ZNF518A: variants seen among roughly 807,000 people sequenced by gnomAD.
The protein encoded by ZNF518A is zinc finger protein 518A, also known as zinc finger protein 518.
ZNF518A carries 47 observed loss-of-function variants against 102.7 expected under a neutral mutation model. The ratio of observed to expected loss-of-function variants is 0.46; its 90% CI spans 0.36 to 0.58. The LOEUF (loss-of-function observed/expected upper bound fraction) is 0.58, where lower values mean the gene tolerates loss of function less well. ZNF518A is among the 20% of genes least tolerant of loss of function. The pLI is 0.00. For missense variants in ZNF518A, 1,793 were observed against 1,699.8 expected, an observed-to-expected ratio of 1.05 and a Z score of -0.96; for synonymous variants, 652 against 594.6, an observed-to-expected ratio of 1.10 and a Z score of -1.40.
chr10:96,202,286 T>C (rs1564815441), intron 1 of ZNF518A, among the ~76,000 whole-genome samples: 1 of 152,170 alleles, frequency 6.6e-6, no homozygotes, highest in Non-Finnish European at 1.5e-5. Context: ...TCATTCCAGC[T>C]GCTGGGCTGG....
intron 1 of ZNF518A, among the ~76,000 whole-genome samples, chr10:96,198,901 C>A (rs1027240138): frequency 6.6e-6 from 1 of 152,162 alleles, no homozygotes; most frequent in East Asian, 1.9e-4. Context: ...GTTTTGCCAT[C>A]TTGGCCAGGC....
At position 96,156,942 on chromosome 10, in the gene ZNF518A, T is replaced by A; in HGVS notation, c.620T>A (p.Phe207Tyr). Residue 207 changes from phenylalanine (F) to tyrosine (Y), a missense_variant, in exon 6 of 6, where the codon TTT becomes TAT. Around this residue, in one of 3 missense-constraint regions of ZNF518A, gnomAD observed 1,741 missense variants for 1,622.6 expected, o/e 1.07. Transcript: ENST00000316045. Reference protein sequence around the residue: ...FTSTHCVNGNFQCEKCKFSTQ... With the variant: ...FTSTHCVNGNYQCEKCKFSTQ... ...TCCACACATTGTGTTAATGGTAATT[T>A]TCAATGTGAAAAGTGTAAGTTCTCC... 2 of 1,613,924 alleles carry A rather than the reference T, an allele frequency of 1.2e-6. No homozygotes were observed. The highest frequency in any genetic ancestry group is 8.5e-7 in the Non-Finnish European group (1 of 1,179,822).
chr10:96,143,424 T>C (rs1192338410), intron 3 of ZNF518A, among the ~76,000 whole-genome samples: 11 of 152,318 alleles, frequency 7.2e-5, no homozygotes, highest in Admixed American at 7.2e-4. Flanking sequence ...AAAAATACTT[T>C]TCTTCCATTG....
intron 1 of ZNF518A, among the ~76,000 whole-genome samples, chr10:96,191,295 G>A (rs190418366): frequency 4.8e-5 from 7 of 145,518 alleles, no homozygotes; most frequent in South Asian, 2.1e-4. Flanking sequence ...TATTAGCAGC[G>A]TGATAATGGA....
chr10:96,157,507 T>C lies in ZNF518A; in HGVS notation c.1185T>C (p.Pro395=). ...APESESEKPT[P]LSTGQGNRAE... is the part of the protein sequence containing the mutation. ...AATCAGAGTCAGAGAAGCCAACTCC[T>C]CTGTCCACTGGGCAAGGTAATAGAG... The change falls in exon 6 of 6, where the codon CCT becomes CCC. Residue 395 remains proline (P), a synonymous_variant. Coordinates refer to ENST00000316045, the MANE Select transcript of ZNF518A (RefSeq NM_001330736.2). 1 of 1,613,846 alleles carries C rather than the reference T, an allele frequency of 6.2e-7. No homozygotes were observed. Among genetic ancestry groups the C allele is most frequent in the Non-Finnish European group, 8.5e-7 (1 of 1,179,782 alleles).
Position 96,159,781 on chromosome 10 carries a change from T to C in ZNF518A, c.3459T>C (p.Asn1153=). The change falls in exon 6 of 6, where the codon AAT becomes AAC. Residue 1153 remains asparagine, a synonymous_variant. Coordinates refer to ENST00000316045, the MANE Select transcript of ZNF518A (RefSeq NM_001330736.2). Reference sequence around the variant, plus strand: ...TGAAAATTTTTAACCCTGTTTTAAATGTGACTGCTGCTAATAATCTGTCAG... The same window carrying C: ...TGAAAATTTTTAACCCTGTTTTAAACGTGACTGCTGCTAATAATCTGTCAG... ...ILLKIFNPVL[N]VTAANNLSVS... 1 of 1,613,642 alleles carries C rather than the reference T, an allele frequency of 6.2e-7. No homozygotes were observed. The highest frequency in any genetic ancestry group is 8.5e-7 in the Non-Finnish European group (1 of 1,179,772).
intron 1 of ZNF518A, among the ~76,000 whole-genome samples, chr10:96,194,970 C>T (rs1395777975): frequency 6.6e-6 from 1 of 151,376 alleles, no homozygotes; most frequent in Non-Finnish European, 1.5e-5. Flanking sequence ...GGGGTTTCAC[C>T]GTGTTAGCCA....
rs1359573949 is a variant in ZNF518A at position 96,200,826 on chromosome 10, G to T, written n.36-2748G>T. 6.6e-6 allele frequency among the ~76,000 whole-genome samples: 1 copy of T among 152,144 alleles called. No homozygotes were observed. Among genetic ancestry groups the T allele is most frequent in the Admixed American group, 6.5e-5 (1 of 15,280 alleles). ...GTCATTGAAAAAAAACAACAACTGG[G>T]TATTCTGTCCCTATTACCAAATGAC... On this transcript the variant is annotated intron_variant and non_coding_transcript_variant, in intron 1 of 2. Transcript: ENST00000442635. The surrounding 1 kb of genome is among the most constrained non-coding windows in gnomAD (Gnocchi z 4.3).
chr10:96,156,835 C>T lies in ZNF518A; in HGVS notation c.513C>T (p.Thr171=). The change falls in exon 6 of 6, where the codon ACC becomes ACT. Residue 171 remains threonine, a synonymous_variant. Transcript: ENST00000316045. Reference sequence around the variant, plus strand: ...AGGTATTTAAACAACACAGACGAACCCATAGAAGCACTTTAGTAAAATGTG... The same window carrying T: ...AGGTATTTAAACAACACAGACGAACTCATAGAAGCACTTTAGTAAAATGTG... ...DFQVFKQHRR[T]HRSTLVKCDI... is the part of the protein sequence containing the mutation. 2 of 1,613,762 alleles carry T rather than the reference C, an allele frequency of 1.2e-6. No individual in the cohort carries two copies. Among genetic ancestry groups the T allele is most frequent in the Non-Finnish European group, 1.7e-6 (2 of 1,179,778 alleles).
intron 5 of ZNF518A, 31 bp downstream of exon 5, chr10:96,156,078 T>C (rs1478875810): frequency 1.6e-5 from 4 of 251,870 alleles, no homozygotes; most frequent in Non-Finnish European, 2.2e-5. Flanking sequence ...TTAAAAAGTC[T>C]TTTGTATATT....
rs587642236 is a variant in ZNF518A, at chr10:96,156,508, A to G, written c.186A>G (p.Leu62=). ...LPKINIPNEV[L]LKHEVDKYRK... ...AAATAAATATTCCAAATGAAGTCCT[A>G]TTGAAACATGAAGTTGACAAATACA... is the stretch of plus-strand genomic sequence containing the variant. The change falls in exon 6 of 6, where the codon CTA becomes CTG. Residue 62 remains leucine, a synonymous_variant. Transcript: ENST00000316045. The G allele has an allele frequency of 1.6e-5, 26 of 1,610,860 alleles. No individual in the cohort carries two copies. The highest frequency in any genetic ancestry group is 1.6e-4 in the South Asian group (14 of 89,768).
chr10:96,168,014 GTTA>G (rs1376790703), downstream of ZNF518A, among the ~76,000 whole-genome samples: 1 of 152,144 alleles, frequency 6.6e-6, no homozygotes, highest in Non-Finnish European at 1.5e-5. Flanking sequence ...TGCCCATGCT[GTTA>G]TTGTCACAAA....
intron 1 of ZNF518A, chr10:96,190,171 T>C (rs2083306391): frequency 1.2e-6 from 1 of 850,348 alleles, no homozygotes; most frequent in Non-Finnish European, 2.0e-6. Flanking sequence ...ACTGAAAAGA[T>C]AGTTCTGGGC....
intron 3 of ZNF518A, among the ~76,000 whole-genome samples, chr10:96,153,676 A>AT (rs1233188418): frequency 6.6e-6 from 1 of 152,258 alleles, no homozygotes; most frequent in African/African-American, 2.4e-5. Flanking sequence ...CTGTTATGCC[A>AT]TTTTTTTGAC....
intron 1 of ZNF518A, among the ~76,000 whole-genome samples, chr10:96,193,434 C>T (rs587618104): frequency 3.3e-5 from 5 of 152,276 alleles, no homozygotes; most frequent in African/African-American, 9.6e-5. Context: ...TATCTCATTC[C>T]GTCCCTCTAG....
Position 96,158,843 on chromosome 10 carries a change from G to C in ZNF518A, c.2521G>C (p.Val841Leu). ...KDFKVQGIFP[V>L]PPGSVGINVP... ...TTTCAAAGTGCAAGGCATCTTCCCAGTTCCACCTGGCAGTGTGGGTATTAA... is the reference window on the plus strand; with the variant it reads ...TTTCAAAGTGCAAGGCATCTTCCCACTTCCACCTGGCAGTGTGGGTATTAA... The change falls in exon 6 of 6, where the codon GTT (valine) becomes CTT (leucine). Residue 841 changes from valine to leucine, a missense_variant. This residue lies in a region of ZNF518A where 1,741 missense variants were observed against 1,622.6 expected (regional missense o/e 1.07). Transcript: ENST00000316045. 6.2e-7 allele frequency: 1 copy of C among 1,613,762 alleles called. No homozygotes were observed. Among genetic ancestry groups the C allele is most frequent in the Non-Finnish European group, 8.5e-7 (1 of 1,179,732 alleles).
At position 96,161,532 on chromosome 10, in the gene ZNF518A, A is replaced by T. The variant is rs997165834; in HGVS notation, c.*758A>T. 1.8e-5 allele frequency: 3 copies of T among 166,690 alleles called. No homozygotes were observed. The highest frequency in any genetic ancestry group is 4.4e-5 in the Non-Finnish European group (3 of 68,022). 10.3% of individuals were successfully genotyped at this position (166,690 alleles called of 1,614,324 possible). ...TTGAAAGTTTGGTTAAAGAACTTGAACATATTTCTAAATTTGATTATATTC... is the reference window on the plus strand; with the variant it reads ...TTGAAAGTTTGGTTAAAGAACTTGATCATATTTCTAAATTTGATTATATTC... On this transcript the variant is annotated 3_prime_UTR_variant, in exon 6 of 6. Transcript: ENST00000316045.
downstream of ZNF518A, among the ~76,000 whole-genome samples, chr10:96,168,731 T>C (rs1342814588): frequency 1.3e-5 from 2 of 152,184 alleles, no homozygotes; most frequent in African/African-American, 2.4e-5. Context: ...CTGTTAATTC[T>C]CCTGAGGACC....
At chr10:96,173,534 G>T (rs1430627484) in intron 1 of ZNF518A, among the ~76,000 whole-genome samples, 1 of 152,050 alleles carries the variant, frequency 6.6e-6, no homozygotes, top group Non-Finnish European at 1.5e-5. Context: ...ACTATAAAGA[G>T]GGAAATTTTA....
Sources: gnomAD v4.1 joint callset for allele counts (sites outside exome capture counted in the v4.1 genomes callset) on GRCh38, gnomAD v4.1.1 for gene constraint, gnomAD v4.1.1 regional missense constraint, Gnocchi (gnomAD v3.1) non-coding constraint, MANE v1.5 for transcripts, NCBI Gene and HGNC (gene_info 2026-07-23, HGNC 2026-07-21) for gene names.